The following NRXN2 variants were observed in gnomAD, a reference collection of about 807,000 sequenced individuals.
NRXN2 encodes neurexin-2-beta.
A neutral mutation model predicts 128.8 loss-of-function variants in NRXN2; 29 were observed. That is an observed-to-expected ratio of 0.23 (90% CI 0.17 to 0.31). NRXN2 has a LOEUF of 0.31. Among genes scored for constraint, NRXN2 ranks in the 10% least tolerant of loss-of-function variants. NRXN2 has a pLI of 1.00. For missense variants in NRXN2, 1,881 were observed against 2,452.6 expected (o/e 0.77, Z 4.92); for synonymous variants, 1,098 against 1,075.2 (o/e 1.02, Z -0.41).
chr11:64,686,379 C>G (rs1472254652), intron 5 of NRXN2, among the ~76,000 whole-genome samples: 1 of 152,200 alleles, frequency 6.6e-6, no homozygotes, highest in East Asian at 1.9e-4. Context: ...CCTCAAGGGT[C>G]TCCTACGCAC....
intron 22 of NRXN2, among the ~76,000 whole-genome samples, chr11:64,615,806 G>C (rs2041381588): frequency 6.6e-6 from 1 of 151,998 alleles, no homozygotes; most frequent in Non-Finnish European, 1.5e-5. Flanking sequence ...ACTTGCACCT[G>C]TGTGGGCTAA....
rs941936380 is a variant in NRXN2, at chr11:64,651,191, G to GT, written c.2918+63dup. ...ACCTCGGCCAGTAGCCAGGAGAGCT[G>GT]TATGTGGTTCAGCAGGGGGAGGGGG... On this transcript the variant is annotated intron_variant, in intron 14 of 22. Coordinates refer to ENST00000265459, the MANE Select transcript of NRXN2 (RefSeq NM_015080.4). This position sits in a 1 kb window ranked among gnomAD's most constrained non-coding sequence, Gnocchi z 5.9. 6.2e-7 allele frequency: 1 copy of GT among 1,605,474 alleles called. No homozygotes were observed. Among genetic ancestry groups the GT allele is most frequent in the African/African-American group, 1.3e-5 (1 of 74,796 alleles).
chr11:64,661,171 A>C, intron 9 of NRXN2, 32 bp from the exon 10 acceptor site: 1 of 1,612,844 alleles, frequency 6.2e-7, no homozygotes, highest in Non-Finnish European at 8.5e-7. Context: ...GATGGAGAAA[A>C]GCCACAGGCC....
In NRXN2 at chr11:64,714,964, GAGA is replaced by G. The variant is rs1366844958; in HGVS notation, c.-244-1024_-244-1022del. ...TGATTTTATTTTGGGGAGGGAGGGA[GAGA>G]AGGAGGTGGGGAGAAGCCTGGGAGA... On this transcript the variant is annotated intron_variant, in intron 1 of 22. Transcript: ENST00000265459. This position sits in a 1 kb window ranked among gnomAD's most constrained non-coding sequence, Gnocchi z 4.5. Among the ~76,000 whole-genome samples the G allele has an allele frequency of 1.3e-5, 2 of 152,070 alleles. No individual in the cohort carries two copies. Among genetic ancestry groups the G allele is most frequent in the African/African-American group, 4.8e-5 (2 of 41,396 alleles).
chr11:64,630,621 A>T lies in NRXN2; in HGVS notation c.3586-48T>A. 1 of 1,608,726 alleles carries T rather than the reference A, an allele frequency of 6.2e-7. No homozygotes were observed. ...CAGCGACCAGAGGGAGCAACCATTC[A>T]TCCCTTCTAGTGGCTACTCCTGTGA... On this transcript the variant is annotated intron_variant, in intron 18 of 22. Coordinates refer to ENST00000265459, the MANE Select transcript of NRXN2 (RefSeq NM_015080.4). The surrounding 1 kb of genome is among the most constrained non-coding windows in gnomAD (Gnocchi z 4.6).
chr11:64,694,796 C>T (rs978614674), intron 3 of NRXN2, among the ~76,000 whole-genome samples: 4 of 152,174 alleles, frequency 2.6e-5, no homozygotes, highest in South Asian at 2.1e-4. Flanking sequence ...CCGACTCTCC[C>T]GGTCAGAAGC....
rs1374117322 is a variant in NRXN2, at chr11:64,651,621, G to C, written c.2552C>G (p.Ala851Gly). ...NVTVEGQMAG[A>G]HMRLEFHNIE... ...GTTGTGGAACTCCAGCCGCATATGG[G>C]CTCCTGCCATCTGTCCTGCTCAGGA... The change falls in exon 14 of 23, where the codon GCC (alanine) becomes GGC (glycine). Residue 851 changes from alanine (A) to glycine (G), a missense_variant. By Grantham distance (60) the Ala-to-Gly change is moderately conservative. This residue lies in a region of NRXN2 where 997 missense variants were observed against 1,240.8 expected (regional missense o/e 0.80). Coordinates refer to ENST00000265459, the MANE Select transcript of NRXN2 (RefSeq NM_015080.4). This position sits in a 1 kb window ranked among gnomAD's most constrained non-coding sequence, Gnocchi z 5.9. 1 of 1,613,938 alleles carries C rather than the reference G, an allele frequency of 6.2e-7. No individual in the cohort carries two copies. Among genetic ancestry groups the C allele is most frequent in the Admixed American group, 1.7e-5 (1 of 60,018 alleles).
rs150745664 is a variant in NRXN2 at position 64,678,093 on chromosome 11, C to A, written c.1153-1056G>T. ...GTCACTGAGGAGAGGGGCAGCTCCT[C>A]TGTTTTTGTTTTTGTTTTTGTTTTC... is the stretch of plus-strand genomic sequence containing the variant. On this transcript the variant is annotated intron_variant, in intron 6 of 22. Transcript: ENST00000265459. Among the ~76,000 whole-genome samples, 1,016 of 152,200 alleles carry A rather than the reference C, an allele frequency of 6.7e-3. 6 individuals are homozygous for A. The highest frequency in any genetic ancestry group is 0.011 in the Non-Finnish European group (747 of 68,004).
At chr11:64,691,126 C>A (rs540758039) in intron 4 of NRXN2, among the ~76,000 whole-genome samples, 23 of 152,354 alleles carry the variant, frequency 1.5e-4, no homozygotes, top group Non-Finnish European at 3.2e-4. Context: ...GCCAGTTAGA[C>A]CCTGGAGCTT....
chr11:64,656,024 A>T (rs1220743516), intron 11 of NRXN2: 1 of 152,206 alleles, frequency 6.6e-6, no homozygotes, highest in African/African-American at 2.4e-5. Context: ...GGGAGGTAAG[A>T]CAAAGCAGTC....
At chr11:64,682,054 G>C (rs1216323012) in intron 6 of NRXN2, among the ~76,000 whole-genome samples, 1 of 151,656 alleles carries the variant, frequency 6.6e-6, no homozygotes, top group Non-Finnish European at 1.5e-5. Flanking sequence ...TCCATCTTTG[G>C]GGGGCTACAC....
In NRXN2 at chr11:64,635,223, T is replaced by C. The variant is rs61884406; in HGVS notation, c.3585+48A>G. The C allele has an allele frequency of 0.22, 345,997 of 1,604,136 alleles. 40,570 individuals carry two copies. The highest frequency in any genetic ancestry group is 0.48 in the East Asian group (21,375 of 44,804). On this transcript the variant is annotated intron_variant, in intron 18 of 22. Transcript: ENST00000265459. The surrounding 1 kb of genome is among the most constrained non-coding windows in gnomAD (Gnocchi z 4.8). ...ATGGCAATGAGGGGCTGAACTGATT[T>C]GGGAGCAGGAAGCTTGAGGTTGAAG...
intron 1 of NRXN2, among the ~76,000 whole-genome samples, chr11:64,715,047 G>A (rs559726769): frequency 6.6e-6 from 1 of 152,258 alleles, no homozygotes; most frequent in African/African-American, 2.4e-5. Context: ...GAAGGAAGAG[G>A]GGAGAGAAAG....
chr11:64,657,023 T>C (rs1167576527), intron 11 of NRXN2, among the ~76,000 whole-genome samples: 2 of 152,170 alleles, frequency 1.3e-5, no homozygotes, highest in African/African-American at 4.8e-5. Context: ...CTGGGGCCTG[T>C]TTCAATCCAC....
chr11:64,621,964 G>A (rs1349238311), intron 21 of NRXN2, among the ~76,000 whole-genome samples: 10 of 152,104 alleles, frequency 6.6e-5, no homozygotes, highest in Non-Finnish European at 5.9e-5. Flanking sequence ...CTGAGCAGGT[G>A]GGGTGGGCTC....
Position 64,608,984 on chromosome 11 carries a change from T to C in NRXN2, c.4253-902A>G, listed in dbSNP as rs572781818. On this transcript the variant is annotated intron_variant, in intron 22 of 22. Transcript: ENST00000265459. Reference sequence around the variant, plus strand: ...CACGGGAGGGGGCTTGGAAAGCTAATTGCAGGGTGGCCACGGGAGGCGAGA... The same window carrying C: ...CACGGGAGGGGGCTTGGAAAGCTAACTGCAGGGTGGCCACGGGAGGCGAGA... Among the ~76,000 whole-genome samples the C allele has an allele frequency of 1.4e-4, 22 of 151,944 alleles. No homozygotes were observed. The East Asian group carries it at 4.1e-3, about 28-fold the overall frequency.
At chr11:64,626,649 C>T in intron 19 of NRXN2, 97 bp from the exon 20 acceptor site, 2 of 872,288 alleles carry the variant, frequency 2.3e-6, no homozygotes, top group Non-Finnish European at 3.9e-6. Context: ...TCAGAGTAAG[C>T]AGCAACATCC....
chr11:64,667,512 C>T lies in NRXN2; in HGVS notation c.1536G>A (p.Lys512=), dbSNP rs1183613913. 1.9e-6 allele frequency: 3 copies of T among 1,614,020 alleles called. No individual in the cohort carries two copies. The highest frequency in any genetic ancestry group is 1.3e-5 in the African/African-American group (1 of 74,944). ...AGTCTAGGGAGATGGAGCCAGTGCGCTTAGCGCTCCAGCGGGGCAGCGCCA... is the reference window on the plus strand; with the variant it reads ...AGTCTAGGGAGATGGAGCCAGTGCGTTTAGCGCTCCAGCGGGGCAGCGCCA... ...AFVALPRWSA[K]RTGSISLDFR... The change falls in exon 9 of 23, where the codon AAG becomes AAA. Residue 512 remains lysine, a synonymous_variant. Transcript: ENST00000265459. This position sits in a 1 kb window ranked among gnomAD's most constrained non-coding sequence, Gnocchi z 5.6.
intron 2 of NRXN2, among the ~76,000 whole-genome samples, chr11:64,703,336 C>G (rs141828283): frequency 6.6e-5 from 10 of 152,178 alleles, no homozygotes; most frequent in African/African-American, 2.4e-4. Flanking sequence ...TCTTTACGCC[C>G]ATTGTTCCTT....
Sources: allele counts gnomAD v4.1 joint callset (sites outside exome capture counted in the v4.1 genomes callset), GRCh38; gene constraint gnomAD v4.1.1; regional missense constraint gnomAD v4.1.1; non-coding constraint Gnocchi (gnomAD v3.1); transcripts MANE v1.5; gene names NCBI Gene and HGNC (gene_info 2026-07-23, HGNC 2026-07-21).